The following EPG5 variants were observed in gnomAD, a reference collection of about 807,000 sequenced individuals.
The protein encoded by EPG5 is ectopic P-granules 5 autophagy tethering factor, also known as ectopic P granules protein 5 homolog.
In EPG5, 159 loss-of-function variants were observed where a neutral mutation model predicts 302.7. That is an observed-to-expected ratio of 0.53 (90% CI 0.46 to 0.60). The LOEUF (loss-of-function observed/expected upper bound fraction) is 0.60. EPG5 is among the 20% of genes least tolerant of loss of function. The pLI, the probability that EPG5 is intolerant of heterozygous loss-of-function variation, is 0.00. For missense variants in EPG5, 2,896 were observed against 3,092.4 expected (o/e 0.94, Z 1.51); for synonymous variants, 1,158 against 1,136.8 (o/e 1.02, Z -0.37).
At chr18:45,833,518 A>G in the EPG5 span, among the ~76,000 whole-genome samples, 2 of 152,020 alleles carry the variant, frequency 1.3e-5, no homozygotes, top group Non-Finnish European at 1.5e-5. Context: ...TTACCATGTT[A>G]GCCAGGCTGG....
At chr18:45,858,146 G>C (rs2048556099) in intron 41 of EPG5, 78 bp from the exon 42 acceptor site, 1 of 1,058,782 alleles carries the variant, frequency 9.4e-7, no homozygotes, top group Admixed American at 2.0e-5. Context: ...CCACATCAGA[G>C]TTTGAAGGAT....
the EPG5 span, among the ~76,000 whole-genome samples, chr18:45,815,128 C>CCA: frequency 6.6e-6 from 1 of 152,162 alleles, no homozygotes; most frequent in Non-Finnish European, 1.5e-5. Flanking sequence ...GGCACAGCTA[C>CCA]CATTTATTTC....
the EPG5 span, chr18:45,837,480 C>G: frequency 3.5e-6 from 5 of 1,447,070 alleles, no homozygotes; most frequent in Non-Finnish European, 3.6e-6. Context: ...GACCCCAGGG[C>G]CCCGAGCCTG....
chr18:45,883,609 CTGG>C (rs1353150948), intron 30 of EPG5, among the ~76,000 whole-genome samples: 2 of 136,736 alleles, frequency 1.5e-5, no homozygotes, highest in Admixed American at 7.6e-5. Flanking sequence ...TACCACTAGC[CTGG>C]TGTTTTTTTT....
the EPG5 span, among the ~76,000 whole-genome samples, chr18:45,806,432 G>A: frequency 2.6e-5 from 4 of 152,054 alleles, no homozygotes; most frequent in South Asian, 8.3e-4. Flanking sequence ...AATGACTGCA[G>A]GAATAAATCA....
At chr18:45,946,532 A>C (rs75438218) in intron 7 of EPG5, 131 bp downstream of exon 7, 2 of 663,164 alleles carry the variant, frequency 3.0e-6, no homozygotes, top group Non-Finnish European at 5.2e-6. Flanking sequence ...AATAGGAATC[A>C]TAAGTCTTTA....
chr18:45,840,274 C>T, the EPG5 span: 2 of 1,602,642 alleles, frequency 1.2e-6, no homozygotes, highest in Non-Finnish European at 8.5e-7. Context: ...CCCTACCCTA[C>T]CCCACCCACC....
At chr18:45,952,071 T>C (rs1396031216) in intron 3 of EPG5, among the ~76,000 whole-genome samples, 1 of 152,176 alleles carries the variant, frequency 6.6e-6, no homozygotes. Flanking sequence ...ATTCCGATGA[T>C]TACTTTTATA....
At chr18:45,947,441 C>G (rs117605170) in intron 6 of EPG5, among the ~76,000 whole-genome samples, 2,189 of 152,076 alleles carry the variant, frequency 0.014, 19 homozygotes, top group Non-Finnish European at 0.022. Context: ...AATGGAGAGG[C>G]TTGTTTAGGG....
Position 45,889,860 on chromosome 18 carries a change from T to C in EPG5, c.4890A>G (p.Glu1630=). 6.2e-7 allele frequency: 1 copy of C among 1,612,618 alleles called. No individual in the cohort carries two copies. The highest frequency in any genetic ancestry group is 1.1e-5 in the South Asian group (1 of 90,914). ...TATTAAGTGATGGTGGTTTAGCAGC[T>C]TCTGCTTGCAACTGCTTCACTTCCT... The part of the protein sequence containing the change: ...LRKEVKQLQA[E]AAKPPSLNIV... Residue 1630 remains glutamate (E), a synonymous_variant, in exon 28 of 44, where the codon GAA becomes GAG. Coordinates refer to ENST00000282041, the MANE Select transcript of EPG5 (RefSeq NM_020964.3).
At chr18:45,825,172 G>C in the EPG5 span, among the ~76,000 whole-genome samples, 1 of 111,196 alleles carries the variant, frequency 9.0e-6, no homozygotes, top group Non-Finnish European at 1.9e-5. Context: ...GGGAGGGAGG[G>C]AGGAAGAGAG....
chr18:45,829,222 CA>C, the EPG5 span: 1 of 916,642 alleles, frequency 1.1e-6, no homozygotes, highest in Non-Finnish European at 1.3e-6. Context: ...CAGCCTGCGG[CA>C]GAGGCATGGG....
rs2048415197 is a variant in EPG5 at position 45,850,925 on chromosome 18, A to T, written c.*1542T>A. The T allele has an allele frequency of 6.6e-6, 1 of 152,512 alleles. No individual in the cohort carries two copies. The highest frequency in any genetic ancestry group is 2.4e-5 in the African/African-American group (1 of 41,476). The allele number at this position is 152,512 out of a possible 1,614,324, so 9.4% of individuals were successfully genotyped here. On this transcript the variant is annotated 3_prime_UTR_variant, in exon 44 of 44. Coordinates refer to ENST00000282041, the MANE Select transcript of EPG5 (RefSeq NM_020964.3). The stretch of plus-strand genomic sequence containing the variant: ...GAAAACGGAGAGAAGCAAAAATAAG[A>T]AAAGCTGAGACAGATCCCTCTGAGA...
chr18:45,922,729 A>G (rs1265963201), intron 15 of EPG5, 129 bp from the exon 16 acceptor site: 6 of 1,154,964 alleles, frequency 5.2e-6, no homozygotes, highest in Middle Eastern at 3.0e-4. Flanking sequence ...CTGGTCTCCA[A>G]TTAATGTTCA....
chr18:45,865,579 A>G (rs1310649645), intron 39 of EPG5, 36 bp downstream of exon 39: 1 of 1,609,812 alleles, frequency 6.2e-7, no homozygotes, highest in Non-Finnish European at 8.5e-7. Flanking sequence ...GAATGCATTG[A>G]CTGAATGAAT....
chr18:45,916,969 G>T (rs1403804865), intron 17 of EPG5, among the ~76,000 whole-genome samples: 1 of 152,166 alleles, frequency 6.6e-6, no homozygotes, highest in South Asian at 2.1e-4. Context: ...GGGTTGAAGG[G>T]TTAGGTGAGT....
intron 11 of EPG5, among the ~76,000 whole-genome samples, chr18:45,934,049 G>A (rs1025587739): frequency 2.0e-5 from 3 of 152,110 alleles, no homozygotes; most frequent in African/African-American, 4.8e-5. Flanking sequence ...CAGCACTTGG[G>A]AGGCCGAAGC....
At chr18:45,842,263 C>A in the EPG5 span, 4 of 1,545,654 alleles carry the variant, frequency 2.6e-6, no homozygotes, top group Non-Finnish European at 3.6e-6. Flanking sequence ...CTGGCACAGC[C>A]AGTCCTGGTT....
the EPG5 span, chr18:45,838,579 T>A: frequency 5.2e-6 from 6 of 1,144,972 alleles, no homozygotes; most frequent in Admixed American, 3.2e-5. Flanking sequence ...CAAGGCCACA[T>A]CTGTATTGGG....
Sources: allele counts gnomAD v4.1 joint callset (sites outside exome capture counted in the v4.1 genomes callset), GRCh38; gene constraint gnomAD v4.1.1; transcripts MANE v1.5; gene names NCBI Gene and HGNC (gene_info 2026-07-23, HGNC 2026-07-21).